Variants in ARID2 observed in about 807,000 individuals in gnomAD.
ARID2 encodes the protein AT-rich interactive domain-containing protein 2.
Under a neutral mutation model 184.6 loss-of-function variants are expected in ARID2, and 32 were observed. That is an observed-to-expected ratio of 0.17 (90% CI 0.13 to 0.23). The LOEUF is 0.23. ARID2 is among the 10% of genes least tolerant of loss of function. The pLI is 1.00. For synonymous variants in ARID2, 836 were observed against 772.6 expected (o/e 1.08, Z -1.36); for missense variants, 1,696 against 2,197.6 (o/e 0.77, Z 4.56).
At chr12:45,834,775 A>G (rs898633514) in intron 6 of ARID2, among the ~76,000 whole-genome samples, 6 of 152,198 alleles carry the variant, frequency 3.9e-5, no homozygotes. Flanking sequence ...ATTTTCTTCC[A>G]TCATTTTGAA....
Position 45,891,977 on chromosome 12 carries a change from C to G in ARID2, c.5062-34C>G, listed in dbSNP as rs138049510. On this transcript the variant is annotated intron_variant, in intron 17 of 20. Transcript: ENST00000334344. Reference sequence around the variant, plus strand: ...CATTTGACTGCATTAAAGATTTTGACGTGCCATTCTCTTGCTTCCTCTTCC... The same window carrying G: ...CATTTGACTGCATTAAAGATTTTGAGGTGCCATTCTCTTGCTTCCTCTTCC... 6.2e-6 allele frequency: 10 copies of G among 1,613,832 alleles called. No homozygotes were observed. In the South Asian group the frequency reaches 1.1e-4, roughly 18 times the overall value.
At chr12:45,792,527 T>A (rs891175212) in intron 3 of ARID2, among the ~76,000 whole-genome samples, 1 of 152,222 alleles carries the variant, frequency 6.6e-6, no homozygotes, top group African/African-American at 2.4e-5. Flanking sequence ...ATACAGTATG[T>A]CCATTAGTTC....
chr12:45,826,857 A>G (rs1363517666), intron 6 of ARID2, among the ~76,000 whole-genome samples: 1 of 152,218 alleles, frequency 6.6e-6, no homozygotes, highest in Middle Eastern at 3.4e-3. Context: ...AGTCTTTTCT[A>G]TGCATATTAT....
chr12:45,853,335 T>C (rs965663872), intron 15 of ARID2, among the ~76,000 whole-genome samples: 2 of 152,342 alleles, frequency 1.3e-5, no homozygotes, highest in South Asian at 4.1e-4. Flanking sequence ...AGGATGAATC[T>C]TGTAATAACT....
intron 3 of ARID2, among the ~76,000 whole-genome samples, chr12:45,806,098 G>T (rs1046515514): frequency 8.5e-5 from 13 of 152,118 alleles, no homozygotes; most frequent in African/African-American, 3.1e-4. Flanking sequence ...ACATAATTGG[G>T]TAGGAAACTC....
At chr12:45,835,929 T>C (rs932693974) in intron 6 of ARID2, among the ~76,000 whole-genome samples, 1 of 150,454 alleles carries the variant, frequency 6.6e-6, no homozygotes, top group African/African-American at 2.4e-5. Flanking sequence ...AAAAAAGAAA[T>C]GTCAAATTTC....
intron 16 of ARID2, among the ~76,000 whole-genome samples, chr12:45,887,106 C>T (rs1944204397): frequency 6.6e-6 from 1 of 152,128 alleles, no homozygotes; most frequent in Non-Finnish European, 1.5e-5. Context: ...CCAAACAGCT[C>T]TTCACTGGAA....
intron 3 of ARID2, among the ~76,000 whole-genome samples, chr12:45,799,936 A>C (rs1942463955): frequency 1.3e-5 from 2 of 152,036 alleles, no homozygotes; most frequent in South Asian, 4.1e-4. Context: ...TGCATCTTCT[A>C]CTTCCCAGGC....
At chr12:45,859,423 C>T (rs538598413) in intron 15 of ARID2, among the ~76,000 whole-genome samples, 9 of 152,116 alleles carry the variant, frequency 5.9e-5, no homozygotes, top group African/African-American at 2.2e-4. Context: ...TGTTCTGTGA[C>T]CCATTTCTCA....
intron 16 of ARID2, among the ~76,000 whole-genome samples, chr12:45,865,792 A>G (rs1305379239): frequency 6.6e-6 from 1 of 152,140 alleles, no homozygotes; most frequent in Non-Finnish European, 1.5e-5. Context: ...AGTTTATTCT[A>G]AGAAAAATGA....
At chr12:45,784,913 G>A (rs1942168205) in intron 3 of ARID2, among the ~76,000 whole-genome samples, 1 of 152,046 alleles carries the variant, frequency 6.6e-6, no homozygotes, top group Non-Finnish European at 1.5e-5. Flanking sequence ...CCTTTTTTCA[G>A]GTGGAGAAAT....
intron 4 of ARID2, among the ~76,000 whole-genome samples, chr12:45,812,189 C>T (rs1346422328): frequency 1.3e-5 from 2 of 151,214 alleles, no homozygotes; most frequent in East Asian, 3.9e-4. Flanking sequence ...TGTTTTTCCA[C>T]TCACTAACAT....
At chr12:45,740,424 TACAC>T (rs1170842247) in intron 3 of ARID2, among the ~76,000 whole-genome samples, 1 of 152,032 alleles carries the variant, frequency 6.6e-6, no homozygotes, top group South Asian at 2.1e-4. Flanking sequence ...TGCACACTCA[TACAC>T]ACACTATCAC....
At chr12:45,792,772 A>G (rs946299117) in intron 3 of ARID2, among the ~76,000 whole-genome samples, 7 of 152,134 alleles carry the variant, frequency 4.6e-5, no homozygotes, top group African/African-American at 1.4e-4. Context: ...TGAGTTAAAT[A>G]TAGTATTATT....
intron 20 of ARID2, among the ~76,000 whole-genome samples, chr12:45,901,977 A>G (rs955786282): frequency 2.0e-5 from 3 of 152,160 alleles, no homozygotes; most frequent in African/African-American, 7.2e-5. Flanking sequence ...CACGCCTAGC[A>G]AAAAATAAAT....
chr12:45,808,629 C>T (rs80332156), intron 3 of ARID2, among the ~76,000 whole-genome samples: 3 of 152,088 alleles, frequency 2.0e-5, no homozygotes, highest in Admixed American at 6.6e-5. Flanking sequence ...ACATCTCTTA[C>T]GTTCCATTTT....
chr12:45,861,046 C>T (rs1943737457), intron 16 of ARID2, 97 bp downstream of exon 16: 1 of 1,183,400 alleles, frequency 8.5e-7, no homozygotes, highest in South Asian at 2.5e-5. Flanking sequence ...GAAAATTTTC[C>T]TTTAGAACCA....
chr12:45,884,168 G>T (rs1944146556), intron 16 of ARID2, among the ~76,000 whole-genome samples: 1 of 152,120 alleles, frequency 6.6e-6, no homozygotes. Context: ...ATACTGAGGT[G>T]TGCAGATTGC....
At chr12:45,798,913 T>C (rs1942442425) in intron 3 of ARID2, among the ~76,000 whole-genome samples, 2 of 151,802 alleles carry the variant, frequency 1.3e-5, no homozygotes, top group East Asian at 3.9e-4. Context: ...ACTGTAATTA[T>C]ATTCTTATAA....
Sources: gnomAD v4.1 joint callset for allele counts (sites outside exome capture counted in the v4.1 genomes callset) on GRCh38, gnomAD v4.1.1 for gene constraint, MANE v1.5 for transcripts, NCBI Gene and HGNC (gene_info 2026-07-23, HGNC 2026-07-21) for gene names.